Variants in XRCC4 observed in about 807,000 individuals in gnomAD.
XRCC4 encodes the protein X-ray repair cross complementing 4, also known as DNA repair protein XRCC4.
XRCC4 carries 28 observed loss-of-function variants against 39.1 expected under a neutral mutation model. That is an observed-to-expected ratio of 0.72 (90% CI 0.53 to 0.98). XRCC4 has a LOEUF of 0.98. XRCC4 is among the 50% of genes least tolerant of loss of function. The pLI is 0.00. For missense variants in XRCC4, 350 were observed against 376.4 expected, an observed-to-expected ratio of 0.93 and a Z score of 0.58; for synonymous variants, 123 against 126.4, an observed-to-expected ratio of 0.97 and a Z score of 0.18.
At chr5:83,198,473 T>C (rs1024906958) in intron 4 of XRCC4, among the ~76,000 whole-genome samples, 11 of 152,134 alleles carry the variant, frequency 7.2e-5, no homozygotes, top group African/African-American at 2.7e-4. Context: ...TCACCACAAA[T>C]ATAAACAATA....
chr5:83,272,429 T>C (rs912842078), intron 7 of XRCC4, among the ~76,000 whole-genome samples: 1 of 152,156 alleles, frequency 6.6e-6, no homozygotes, highest in Non-Finnish European at 1.5e-5. Flanking sequence ...TATTATACTT[T>C]AAGTTCTGGG....
intron 7 of XRCC4, among the ~76,000 whole-genome samples, chr5:83,300,280 A>G (rs577636136): frequency 6.6e-6 from 1 of 152,200 alleles, no homozygotes; most frequent in African/African-American, 2.4e-5. Flanking sequence ...GTCTGTAAAA[A>G]TACCTCACTA....
At chr5:83,340,593 C>T (rs1331746168) in intron 7 of XRCC4, among the ~76,000 whole-genome samples, 1 of 151,018 alleles carries the variant, frequency 6.6e-6, no homozygotes, top group East Asian at 1.9e-4. Flanking sequence ...GTTTTGAAGA[C>T]AGGAAGGGAG....
chr5:83,283,020 CA>C (rs1754601854), intron 7 of XRCC4, among the ~76,000 whole-genome samples: 1 of 139,968 alleles, frequency 7.1e-6, no homozygotes, highest in Admixed American at 7.4e-5. Context: ...ATATTGTCTA[CA>C]GCGAACATGG....
At chr5:83,162,731 C>G (rs917880109) in intron 3 of XRCC4, among the ~76,000 whole-genome samples, 1 of 152,018 alleles carries the variant, frequency 6.6e-6, no homozygotes, top group Non-Finnish European at 1.5e-5. Context: ...AAATAAAGAA[C>G]AGATGGCAGT....
intron 3 of XRCC4, among the ~76,000 whole-genome samples, chr5:83,116,324 G>A (rs1329489581): frequency 1.3e-5 from 2 of 152,224 alleles, no homozygotes; most frequent in East Asian, 3.9e-4. Flanking sequence ...GCTCCTCCGT[G>A]ACAAAGACTT....
chr5:83,150,001 T>G (rs2112549368), intron 3 of XRCC4, among the ~76,000 whole-genome samples: 1 of 152,266 alleles, frequency 6.6e-6, no homozygotes, highest in East Asian at 1.9e-4. Flanking sequence ...CTTCTGAGAT[T>G]CTGTATTTAA....
At chr5:83,133,307 G>T (rs777745778) in intron 3 of XRCC4, among the ~76,000 whole-genome samples, 1 of 152,186 alleles carries the variant, frequency 6.6e-6, no homozygotes, top group African/African-American at 2.4e-5. Flanking sequence ...CTACTGGGAG[G>T]TGCCTCCCAG....
In XRCC4 at chr5:83,083,158, A is replaced by C. The variant is rs138404258; in HGVS notation, c.-11+5543A>C. 9.3e-3 allele frequency among the ~76,000 whole-genome samples: 1,412 copies of C among 151,678 alleles called. 15 individuals are homozygous for C. Among genetic ancestry groups the C allele is most frequent in the African/African-American group, 0.031 (1,293 of 41,280 alleles). On this transcript the variant is annotated intron_variant, in intron 1 of 7. Coordinates refer to ENST00000396027, the MANE Select transcript of XRCC4 (RefSeq NM_003401.5). ...CCACCCTGTTTTATCTCCTCTTTTT[A>C]CTTCAGCGCTTATCATTATTCTATA...
chr5:83,360,915 G>C, the XRCC4 span, among the ~76,000 whole-genome samples: 6 of 152,212 alleles, frequency 3.9e-5, no homozygotes, highest in East Asian at 1.2e-3. Context: ...TACTTATATG[G>C]AATAACAATT....
intron 7 of XRCC4, among the ~76,000 whole-genome samples, chr5:83,332,900 G>A (rs1025261812): frequency 8.5e-5 from 13 of 152,166 alleles, no homozygotes; most frequent in African/African-American, 2.9e-4. Flanking sequence ...TCCTTGGCCA[G>A]TAAGTTATGA....
At chr5:83,134,037 A>C (rs1747751357) in intron 3 of XRCC4, among the ~76,000 whole-genome samples, 1 of 152,194 alleles carries the variant, frequency 6.6e-6, no homozygotes, top group Non-Finnish European at 1.5e-5. Context: ...CAAGCGCCGC[A>C]GTCTTCACGG....
chr5:83,309,487 C>T (rs1369478601), intron 7 of XRCC4, among the ~76,000 whole-genome samples: 6 of 150,576 alleles, frequency 4.0e-5, no homozygotes, highest in African/African-American at 7.3e-5. Flanking sequence ...TTAGGCTGGG[C>T]GCGGTGGCTC....
chr5:83,250,311 T>C (rs1390714549), intron 6 of XRCC4, among the ~76,000 whole-genome samples: 1 of 152,214 alleles, frequency 6.6e-6, no homozygotes, highest in African/African-American at 2.4e-5. Flanking sequence ...CTTTTCTTAA[T>C]GTTAACTGGA....
chr5:83,137,808 CTT>C (rs1248031037), intron 3 of XRCC4, among the ~76,000 whole-genome samples: 2 of 151,960 alleles, frequency 1.3e-5, no homozygotes, highest in African/African-American at 4.8e-5. Flanking sequence ...CTTTAAAAGT[CTT>C]TGTTGTTAGT....
chr5:83,248,267 T>G (rs1393967767), intron 6 of XRCC4, among the ~76,000 whole-genome samples: 1 of 152,028 alleles, frequency 6.6e-6, no homozygotes, highest in Non-Finnish European at 1.5e-5. Context: ...CTTTAGGGAG[T>G]TTTATTTTTG....
Position 83,343,086 on chromosome 5 carries a change from C to G in XRCC4, c.894-10045C>G, listed in dbSNP as rs547929464. Among the ~76,000 whole-genome samples, 245 of 143,000 alleles carry G rather than the reference C, an allele frequency of 1.7e-3. 3 individuals are homozygous for G. In the Middle Eastern group the frequency reaches 0.043, roughly 25 times the overall value. The allele number at this position is 143,000 out of a possible 152,430, so 93.8% of individuals were successfully genotyped here. Reference sequence around the variant, plus strand: ...AATATTTGACTTTTTTTTTTTTAACCAAATGATGTGTGCCCCAGCCAGTGC... The same window carrying G: ...AATATTTGACTTTTTTTTTTTTAACGAAATGATGTGTGCCCCAGCCAGTGC... On this transcript the variant is annotated intron_variant, in intron 7 of 7. Coordinates refer to ENST00000396027, the MANE Select transcript of XRCC4 (RefSeq NM_003401.5).
chr5:83,373,835 GC>G, the XRCC4 span, among the ~76,000 whole-genome samples: 1 of 152,074 alleles, frequency 6.6e-6, no homozygotes, highest in Non-Finnish European at 1.5e-5. Flanking sequence ...GTATATAATA[GC>G]TACCTTCTAT....
intron 7 of XRCC4, among the ~76,000 whole-genome samples, chr5:83,323,300 C>CA (rs932217026): frequency 1.1e-4 from 16 of 151,030 alleles, no homozygotes; most frequent in South Asian, 4.2e-4. Context: ...TCATATTTAT[C>CA]AAAAAAAAGT....
Sources: allele counts gnomAD v4.1 joint callset (sites outside exome capture counted in the v4.1 genomes callset), GRCh38; gene constraint gnomAD v4.1.1; transcripts MANE v1.5; gene names NCBI Gene and HGNC (gene_info 2026-07-23, HGNC 2026-07-21).